BACE2: variants seen among roughly 807,000 people sequenced by gnomAD.
BACE2 encodes the protein 56 kDa aspartic-like protease.
In BACE2, 17 loss-of-function variants were observed where a neutral mutation model predicts 46.2. The ratio of observed to expected loss-of-function variants is 0.37; its 90% CI spans 0.25 to 0.55. The LOEUF is 0.55. Ranked by LOEUF, BACE2 falls within the 20% of genes least tolerant of loss-of-function variation. BACE2 has a pLI of 0.82. For missense variants in BACE2, 595 were observed against 698.1 expected (o/e 0.85, Z 1.66); for synonymous variants, 277 against 295.9 (o/e 0.94, Z 0.66).
intron 1 of BACE2, among the ~76,000 whole-genome samples, chr21:41,209,457 G>A (rs552080478): frequency 1.3e-5 from 2 of 152,334 alleles, no homozygotes; most frequent in African/African-American, 2.4e-5. Flanking sequence ...GCGGGTTTCA[G>A]TGCAGAGATA....
chr21:41,211,012 G>A (rs924621817), intron 1 of BACE2, among the ~76,000 whole-genome samples: 29 of 152,244 alleles, frequency 1.9e-4, no homozygotes, highest in African/African-American at 3.9e-4. Flanking sequence ...CAGGATGGCC[G>A]CCTTGCACCT....
At chr21:41,200,617 A>G (rs1224082615) in intron 1 of BACE2, among the ~76,000 whole-genome samples, 1 of 152,202 alleles carries the variant, frequency 6.6e-6, no homozygotes. Flanking sequence ...GTACTTCAAA[A>G]TATGACTATC....
At chr21:41,176,785 G>T (rs763782818) in intron 1 of BACE2, 21 of 152,178 alleles carry the variant, frequency 1.4e-4, no homozygotes, top group African/African-American at 4.6e-4. Flanking sequence ...GAGATTTCCA[G>T]TCTATCACAG....
intron 1 of BACE2, among the ~76,000 whole-genome samples, chr21:41,219,940 G>T (rs117130997): frequency 0.013 from 2,035 of 152,292 alleles, 25 homozygotes; most frequent in Non-Finnish European, 0.02. Context: ...GCCTGGGGAT[G>T]GCGTGGGACC....
intron 1 of BACE2, among the ~76,000 whole-genome samples, chr21:41,219,559 G>T (rs1254373705): frequency 6.6e-6 from 1 of 152,178 alleles, no homozygotes; most frequent in African/African-American, 2.4e-5. Context: ...TGATAACTTA[G>T]TGTTTATTAT....
At chr21:41,181,905 C>T (rs1985142239) in intron 1 of BACE2, 1 of 167,020 alleles carries the variant, frequency 6.0e-6, no homozygotes, top group Non-Finnish European at 1.5e-5. Flanking sequence ...GAAATATTTA[C>T]TGTAGAATTT....
At chr21:41,248,924 G>A (rs2123614407) in intron 6 of BACE2, among the ~76,000 whole-genome samples, 1 of 152,220 alleles carries the variant, frequency 6.6e-6, no homozygotes, top group South Asian at 2.1e-4. Flanking sequence ...CTCCTCCTTG[G>A]ACTCTCCCTG....
intron 8 of BACE2, among the ~76,000 whole-genome samples, chr21:41,271,851 T>C (rs780854335): frequency 6.6e-6 from 1 of 152,170 alleles, no homozygotes; most frequent in Non-Finnish European, 1.5e-5. Flanking sequence ...TTTGATTTAA[T>C]TGATTATCTT....
intron 1 of BACE2, among the ~76,000 whole-genome samples, chr21:41,208,373 G>A (rs1486568209): frequency 1.3e-5 from 2 of 152,208 alleles, no homozygotes; most frequent in African/African-American, 4.8e-5. Flanking sequence ...GCACCTTCTG[G>A]GGGTGGGAGA....
intron 1 of BACE2, among the ~76,000 whole-genome samples, chr21:41,220,850 A>G (rs1986618950): frequency 1.3e-5 from 2 of 151,956 alleles, no homozygotes; most frequent in Non-Finnish European, 1.5e-5. Context: ...TAGAGCATTC[A>G]TTTACTAAAA....
At chr21:41,190,856 C>G (rs766132209) in intron 1 of BACE2, among the ~76,000 whole-genome samples, 8 of 152,246 alleles carry the variant, frequency 5.3e-5, no homozygotes, top group Non-Finnish European at 1.0e-4. Context: ...CCCCGGCCAA[C>G]TGTAACTCCC....
At chr21:41,212,128 T>C (rs1304132457) in intron 1 of BACE2, among the ~76,000 whole-genome samples, 1 of 152,250 alleles carries the variant, frequency 6.6e-6, no homozygotes, top group Non-Finnish European at 1.5e-5. Context: ...GGGTGGCTTA[T>C]TGATGGCAGA....
intron 3 of BACE2, among the ~76,000 whole-genome samples, chr21:41,239,843 A>G (rs925855991): frequency 6.6e-6 from 1 of 152,208 alleles, no homozygotes. Flanking sequence ...CCGTTCCTAA[A>G]TACATTTTCA....
At position 41,241,689 on chromosome 21, in the gene BACE2, G is replaced by A; in HGVS notation, c.619-130G>A. The stretch of plus-strand genomic sequence containing the variant: ...TTCCTAGACCCAATCACAAGCTGGT[G>A]TACTGTTGAACCATGAAAAAATTGA... On this transcript the variant is annotated intron_variant, in intron 3 of 8. Coordinates refer to ENST00000330333, the MANE Select transcript of BACE2 (RefSeq NM_012105.5). 5 of 1,030,354 alleles carry A rather than the reference G, an allele frequency of 4.9e-6. 1 individual carries two copies. Among genetic ancestry groups the A allele is most frequent in the Non-Finnish European group, 7.1e-6 (5 of 699,416 alleles). 63.8% of individuals were successfully genotyped at this position (1,030,354 alleles called of 1,614,324 possible). A position where few individuals can be genotyped will look rare whatever the true frequency, so the allele number is the denominator to read the frequency against.
chr21:41,229,671 T>C (rs1986920445), intron 2 of BACE2, among the ~76,000 whole-genome samples: 1 of 152,258 alleles, frequency 6.6e-6, no homozygotes, highest in African/African-American at 2.4e-5. Context: ...TCCCTTCAAC[T>C]GTGTTCAGTG....
chr21:41,270,992 T>TA (rs901325330), intron 8 of BACE2, among the ~76,000 whole-genome samples: 10 of 152,296 alleles, frequency 6.6e-5, no homozygotes, highest in South Asian at 2.1e-4. Flanking sequence ...TGTTATTAGG[T>TA]AAAAAAACAT....
At chr21:41,239,151 G>A (rs1318219181) in intron 3 of BACE2, among the ~76,000 whole-genome samples, 6 of 143,886 alleles carry the variant, frequency 4.2e-5, no homozygotes, top group African/African-American at 7.6e-5. Context: ...CATCGTGGAA[G>A]AACATTTGTT....
intron 8 of BACE2, among the ~76,000 whole-genome samples, chr21:41,259,859 G>T (rs1387573119): frequency 6.6e-6 from 1 of 151,014 alleles, no homozygotes; most frequent in Non-Finnish European, 1.5e-5. Context: ...ACAGGGTCTT[G>T]CTCTGTCACT....
At chr21:41,201,952 A>C (rs1985979943) in intron 1 of BACE2, among the ~76,000 whole-genome samples, 1 of 152,254 alleles carries the variant, frequency 6.6e-6, no homozygotes, top group Non-Finnish European at 1.5e-5. Flanking sequence ...GTTGAATGCT[A>C]ACCACTGGAG....
Sources: allele counts gnomAD v4.1 joint callset (sites outside exome capture counted in the v4.1 genomes callset), GRCh38; gene constraint gnomAD v4.1.1; transcripts MANE v1.5; gene names NCBI Gene and HGNC (gene_info 2026-07-23, HGNC 2026-07-21).